Variants in WDR72 observed in about 807,000 individuals in gnomAD.
The protein encoded by WDR72 is WD repeat-containing protein 72.
A neutral mutation model predicts 124.2 loss-of-function variants in WDR72; 120 were observed. The observed-to-expected ratio is 0.97, with a 90% CI of 0.83 to 1.12. The LOEUF (loss-of-function observed/expected upper bound fraction) is 1.12, where lower values mean the gene tolerates loss of function less well. WDR72 is among the 50% of genes most tolerant of loss of function. The pLI is 0.00. For synonymous variants in WDR72, 452 were observed against 441.7 expected, an observed-to-expected ratio of 1.02 and a Z score of -0.29; for missense variants, 1,387 against 1,278.8, an observed-to-expected ratio of 1.08 and a Z score of -1.29.
At chr15:53,582,114 A>G (rs924634513) in intron 18 of WDR72, among the ~76,000 whole-genome samples, 2 of 151,946 alleles carry the variant, frequency 1.3e-5, no homozygotes, top group African/African-American at 4.8e-5. Context: ...GCTTTGTACC[A>G]TTAGTCACTC....
intron 18 of WDR72, among the ~76,000 whole-genome samples, chr15:53,592,820 G>T (rs995009641): frequency 1.3e-5 from 2 of 152,050 alleles, no homozygotes; most frequent in South Asian, 2.1e-4. Flanking sequence ...TTTAATAATA[G>T]AAACTATTGC....
At chr15:53,602,415 A>G (rs2013084291) in intron 17 of WDR72, among the ~76,000 whole-genome samples, 1 of 152,138 alleles carries the variant, frequency 6.6e-6, no homozygotes, top group African/African-American at 2.4e-5. Flanking sequence ...CTAACTTCAC[A>G]ACTAAAAGAA....
chr15:53,714,778 C>T lies in WDR72; in HGVS notation c.515-268G>A, dbSNP rs2292709. On this transcript the variant is annotated intron_variant, in intron 5 of 19. Coordinates refer to ENST00000360509, the MANE Select transcript of WDR72 (RefSeq NM_182758.4). ...ATCATAAAATGAAACCTTCCTATTT[C>T]GGAAGTAAGTGAGGCGCCAACTTCC... Among the ~76,000 whole-genome samples, 908 of 152,292 alleles carry T rather than the reference C, an allele frequency of 6.0e-3. 14 individuals are homozygous for T. Among genetic ancestry groups the T allele is most frequent in the South Asian group, 0.051 (244 of 4,822 alleles).
intron 14 of WDR72, among the ~76,000 whole-genome samples, chr15:53,663,662 TC>T (rs528238101): frequency 7.6e-4 from 115 of 152,126 alleles, no homozygotes; most frequent in Non-Finnish European, 1.3e-3. Context: ...CAAGAGACAT[TC>T]CCCCGGTTCT....
chr15:53,708,082 G>T (rs574113089), intron 9 of WDR72, among the ~76,000 whole-genome samples: 2 of 151,974 alleles, frequency 1.3e-5, no homozygotes, highest in Admixed American at 6.6e-5. Context: ...TTGGTCCCTC[G>T]CTCCTCCTCC....
intron 17 of WDR72, among the ~76,000 whole-genome samples, chr15:53,599,442 C>T (rs73408216): frequency 0.14 from 20,935 of 152,036 alleles, 2,235 homozygotes; most frequent in African/African-American, 0.3. Flanking sequence ...CTTTGACAAG[C>T]CACAAACTTC....
chr15:53,654,814 C>T (rs537061901), intron 14 of WDR72, among the ~76,000 whole-genome samples: 16 of 152,310 alleles, frequency 1.1e-4, no homozygotes, highest in Admixed American at 5.2e-4. Flanking sequence ...TAGTTTTCTG[C>T]TTCTATCTTA....
intron 13 of WDR72, among the ~76,000 whole-genome samples, chr15:53,690,765 A>C (rs538780610): frequency 1.3e-5 from 2 of 152,138 alleles, no homozygotes; most frequent in Non-Finnish European, 2.9e-5. Context: ...TACTGTAAAC[A>C]TTTATGTACA....
intron 14 of WDR72, among the ~76,000 whole-genome samples, chr15:53,637,244 A>T (rs951128839): frequency 6.6e-5 from 10 of 152,198 alleles, no homozygotes; most frequent in Non-Finnish European, 1.0e-4. Flanking sequence ...ATTGAAGAGA[A>T]ATAAAAATGT....
chr15:53,685,150 G>T (rs28829906), intron 13 of WDR72, among the ~76,000 whole-genome samples: 4,522 of 148,556 alleles, frequency 0.03, 151 homozygotes, highest in African/African-American at 0.085. Flanking sequence ...AAAACGCAGA[G>T]CGCCTCTCCT....
At chr15:53,626,266 G>A (rs964828158) in intron 14 of WDR72, among the ~76,000 whole-genome samples, 1 of 152,192 alleles carries the variant, frequency 6.6e-6, no homozygotes, top group Non-Finnish European at 1.5e-5. Flanking sequence ...ATCAGAAGCC[G>A]TGGGTCACGG....
At chr15:53,630,626 G>A (rs1412183375) in intron 14 of WDR72, among the ~76,000 whole-genome samples, 1 of 152,050 alleles carries the variant, frequency 6.6e-6, no homozygotes, top group African/African-American at 2.4e-5. Context: ...TATCCTAATA[G>A]ATGCACAAAA....
In WDR72 at chr15:53,677,466, A is replaced by G. The variant is rs1017661863; in HGVS notation, c.1766-11698T>C. Reference sequence around the variant, plus strand: ...GCTGATATGATTTGGCTCTGTCCCCACTCAAATCTCAAATTTTAGCTCTCA... The same window carrying G: ...GCTGATATGATTTGGCTCTGTCCCCGCTCAAATCTCAAATTTTAGCTCTCA... On this transcript the variant is annotated intron_variant, in intron 13 of 19. Transcript: ENST00000360509. Among the ~76,000 whole-genome samples the G allele has an allele frequency of 2.0e-5, 3 of 152,064 alleles. No homozygotes were observed. The South Asian group carries it at 6.2e-4, about 32-fold the overall frequency.
intron 17 of WDR72, among the ~76,000 whole-genome samples, chr15:53,605,341 G>A (rs1381008787): frequency 6.6e-6 from 1 of 152,138 alleles, no homozygotes; most frequent in East Asian, 1.9e-4. Context: ...ACCTACTGAA[G>A]AACAGAAGGT....
chr15:53,541,000 G>C (rs1007336269), intron 18 of WDR72: 3 of 159,338 alleles, frequency 1.9e-5, no homozygotes, highest in Non-Finnish European at 4.1e-5. Context: ...CTACGCCCAC[G>C]GAGTCTCGCT....
At chr15:53,726,622 A>G (rs1242240395) in intron 2 of WDR72, among the ~76,000 whole-genome samples, 1 of 152,084 alleles carries the variant, frequency 6.6e-6, no homozygotes, top group Admixed American at 6.6e-5. Context: ...CAAGAGGATC[A>G]CTTGAATCCA....
Position 53,514,061 on chromosome 15 carries a change from C to T in WDR72, c.*3638G>A, listed in dbSNP as rs145077822. Reference sequence around the variant, plus strand: ...ATCTGGGGACTATTGTACATGAAGCCATGCAGCTTTGTCTGAAAGATACCT... The same window carrying T: ...ATCTGGGGACTATTGTACATGAAGCTATGCAGCTTTGTCTGAAAGATACCT... On this transcript the variant is annotated 3_prime_UTR_variant, in exon 20 of 20. Transcript: ENST00000360509. The T allele has an allele frequency of 6.6e-6, 1 of 152,272 alleles. No individual in the cohort carries two copies. Among genetic ancestry groups the T allele is most frequent in the African/African-American group, 2.4e-5 (1 of 41,580 alleles). 9.4% of individuals were successfully genotyped at this position (152,272 alleles called of 1,614,324 possible). A position where few individuals can be genotyped will look rare whatever the true frequency, so the allele number is the denominator to read the frequency against.
intron 11 of WDR72, among the ~76,000 whole-genome samples, chr15:53,704,483 T>G (rs1011463807): frequency 6.6e-6 from 1 of 151,710 alleles, no homozygotes; most frequent in Admixed American, 6.6e-5. Context: ...AAAAAATCAT[T>G]TCTTATTGTG....
chr15:53,630,414 G>A lies in WDR72; in HGVS notation c.1963-14171C>T, dbSNP rs947810835. Among the ~76,000 whole-genome samples the A allele has an allele frequency of 5.3e-5, 8 of 152,186 alleles. No homozygotes were observed. In the South Asian group the frequency reaches 6.2e-4, roughly 12 times the overall value. On this transcript the variant is annotated intron_variant, in intron 14 of 19. Coordinates refer to ENST00000360509, the MANE Select transcript of WDR72 (RefSeq NM_182758.4). ...ACCAGACAGAGATATCACAAGATAA[G>A]AAAAGTACAGACCAATAACCCTTAT...
Sources: allele counts gnomAD v4.1 joint callset (sites outside exome capture counted in the v4.1 genomes callset), GRCh38; gene constraint gnomAD v4.1.1; transcripts MANE v1.5; gene names NCBI Gene and HGNC (gene_info 2026-07-23, HGNC 2026-07-21).